MACC1: variants seen among roughly 807,000 people sequenced by gnomAD.
The protein encoded by MACC1 is metastasis-associated in colon cancer protein 1.
Under a neutral mutation model 70.7 loss-of-function variants are expected in MACC1, and 79 were observed. The ratio of observed to expected loss-of-function variants is 1.12; its 90% CI spans 0.93 to 1.35. The LOEUF is 1.35. Among genes scored for constraint, MACC1 ranks in the 40% most tolerant of loss-of-function variants. MACC1 has a pLI of 0.00. For synonymous variants in MACC1, 361 were observed against 347.2 expected (o/e 1.04, Z -0.44); for missense variants, 1,106 against 978.1 (o/e 1.13, Z -1.74).
intron 1 of MACC1, among the ~76,000 whole-genome samples, chr7:20,190,101 A>G (rs191701406): frequency 5.3e-5 from 8 of 152,274 alleles, no homozygotes; most frequent in Admixed American, 1.3e-4. Context: ...TTCTGTCACA[A>G]TGGAATTAAG....
chr7:20,181,850 G>A (rs547099362), intron 1 of MACC1, among the ~76,000 whole-genome samples: 25 of 152,182 alleles, frequency 1.6e-4, no homozygotes, highest in African/African-American at 6.0e-4. Context: ...ATTATTTACA[G>A]ACTGTATGAT....
chr7:20,194,736 T>C (rs1223150137), intron 1 of MACC1, among the ~76,000 whole-genome samples: 1 of 152,206 alleles, frequency 6.6e-6, no homozygotes, highest in African/African-American at 2.4e-5. Flanking sequence ...TACCATGTAG[T>C]TTCCATTAAA....
intron 1 of MACC1, among the ~76,000 whole-genome samples, chr7:20,211,840 G>C (rs1284032057): frequency 2.0e-5 from 3 of 152,084 alleles, no homozygotes; most frequent in African/African-American, 7.2e-5. Flanking sequence ...ACTTATGATA[G>C]CAAAATGCCA....
At chr7:20,160,348 T>C in intron 4 of MACC1, 103 bp from the exon 5 acceptor site, 1 of 1,361,176 alleles carries the variant, frequency 7.3e-7, no homozygotes. Flanking sequence ...GGACTTACTT[T>C]TCATTTTTCT....
rs1408281759 is a variant in MACC1 at position 20,139,637 on chromosome 7, A to T, written c.*1309T>A. 1.3e-5 allele frequency: 2 copies of T among 152,232 alleles called. No homozygotes were observed. The highest frequency in any genetic ancestry group is 2.9e-5 in the Non-Finnish European group (2 of 68,048). 9.4% of individuals were successfully genotyped at this position (152,232 alleles called of 1,614,324 possible). On this transcript the variant is annotated 3_prime_UTR_variant, in exon 7 of 7. Coordinates refer to ENST00000400331, the MANE Select transcript of MACC1 (RefSeq NM_182762.4). ...ATATACTCTACCTATTGACTGAATG[A>T]CAATAAATGAATGTCTGTCCAAATA... is the stretch of plus-strand genomic sequence containing the variant.
intron 3 of MACC1, among the ~76,000 whole-genome samples, chr7:20,162,817 C>T (rs960953260): frequency 6.6e-6 from 1 of 152,078 alleles, no homozygotes; most frequent in Non-Finnish European, 1.5e-5. Flanking sequence ...GAAAACAAAA[C>T]CTTAAAATTT....
chr7:20,190,761 T>C (rs982086569), intron 1 of MACC1, among the ~76,000 whole-genome samples: 1 of 152,250 alleles, frequency 6.6e-6, no homozygotes, highest in African/African-American at 2.4e-5. Flanking sequence ...CTGTGAACTG[T>C]TAATGACAGA....
chr7:20,159,876 T>C lies in MACC1; in HGVS notation c.485A>G (p.Gln162Arg), dbSNP rs758181206. The C allele has an allele frequency of 1.1e-5, 17 of 1,614,162 alleles. No homozygotes were observed. Among genetic ancestry groups the C allele is most frequent in the African/African-American group, 1.3e-5 (1 of 75,048 alleles). ...HAHQSIHNSD[Q>R]ILLHDLEWLK... ...CCACTCTAAGTCGTGTAGTAGGATC[T>C]GGTCAGAGTTATGTATACTCTGATG... is the stretch of plus-strand genomic sequence containing the variant. The change falls in exon 5 of 7, where the codon CAG becomes CGG. Residue 162 changes from glutamine to arginine, a missense_variant. By Grantham distance (43) the Gln-to-Arg change is conservative. Transcript: ENST00000400331.
intron 1 of MACC1, among the ~76,000 whole-genome samples, chr7:20,195,999 G>T (rs970783684): frequency 6.6e-6 from 1 of 151,732 alleles, no homozygotes; most frequent in African/African-American, 2.4e-5. Context: ...AACTGCAAAG[G>T]GATGGGGTGT....
chr7:20,210,885 C>T (rs907004372), intron 1 of MACC1, among the ~76,000 whole-genome samples: 13 of 152,148 alleles, frequency 8.5e-5, no homozygotes, highest in African/African-American at 3.1e-4. Context: ...CAATTTTTGC[C>T]TCATTAATTT....
intron 1 of MACC1, among the ~76,000 whole-genome samples, chr7:20,191,738 T>C (rs570775840): frequency 1.7e-4 from 26 of 152,270 alleles, no homozygotes; most frequent in Middle Eastern, 3.4e-3. Flanking sequence ...ACTGGCAAGA[T>C]CTAACTAAAA....
Position 20,159,776 on chromosome 7 carries a change from C to G in MACC1, c.585G>C (p.Leu195Phe), listed in dbSNP as rs1291215624. The change falls in exon 5 of 7, where the codon TTG (leucine) becomes TTC (phenylalanine). Residue 195 changes from leucine to phenylalanine, a missense_variant. By Grantham distance (22) the Leu-to-Phe change is conservative. Coordinates refer to ENST00000400331, the MANE Select transcript of MACC1 (RefSeq NM_182762.4). Reference protein sequence around the residue: ...QRQLARSCLDLNTISQSPGWA... With the variant: ...QRQLARSCLDFNTISQSPGWA... The stretch of plus-strand genomic sequence containing the variant: ...ATCCAGGGCTCTGACTAATTGTATT[C>G]AAATCAAGGCAGGAGCGGGCCAGCT... 1.2e-6 allele frequency: 2 copies of G among 1,613,934 alleles called. No individual in the cohort carries two copies. Among genetic ancestry groups the G allele is most frequent in the Non-Finnish European group, 1.7e-6 (2 of 1,180,024 alleles).
At chr7:20,188,611 C>A (rs1467656721) in intron 1 of MACC1, among the ~76,000 whole-genome samples, 2 of 152,146 alleles carry the variant, frequency 1.3e-5, no homozygotes, top group Non-Finnish European at 2.9e-5. Flanking sequence ...GGCACACACA[C>A]AAAGTACTTT....
chr7:20,169,541 T>A (rs1782270713), intron 2 of MACC1, among the ~76,000 whole-genome samples: 1 of 152,226 alleles, frequency 6.6e-6, no homozygotes, highest in Non-Finnish European at 1.5e-5. Flanking sequence ...GTATTTGTTT[T>A]CTCTGCAAAG....
At chr7:20,157,677 T>C (rs1291910894) in intron 5 of MACC1, among the ~76,000 whole-genome samples, 1 of 146,886 alleles carries the variant, frequency 6.8e-6, no homozygotes, top group African/African-American at 2.5e-5. Flanking sequence ...CTGAGTTACT[T>C]GGGCAGCTGA....
chr7:20,206,886 T>A (rs1010760507), intron 1 of MACC1, among the ~76,000 whole-genome samples: 4 of 152,196 alleles, frequency 2.6e-5, no homozygotes, highest in Non-Finnish European at 5.9e-5. Context: ...ACAATCAGTT[T>A]TACCTCCTCC....
intron 1 of MACC1, among the ~76,000 whole-genome samples, chr7:20,179,401 T>C (rs1030362651): frequency 6.6e-6 from 1 of 152,252 alleles, no homozygotes; most frequent in East Asian, 1.9e-4. Context: ...TCCAAGGTCA[T>C]GTTAATTAGA....
intron 1 of MACC1, among the ~76,000 whole-genome samples, chr7:20,216,279 G>A (rs778473958): frequency 6.6e-6 from 1 of 151,962 alleles, no homozygotes; most frequent in African/African-American, 2.4e-5. Context: ...GAAGGCATTG[G>A]AATTTTCACT....
chr7:20,213,801 G>A (rs1009246542), intron 1 of MACC1, among the ~76,000 whole-genome samples: 1 of 151,876 alleles, frequency 6.6e-6, no homozygotes, highest in African/African-American at 2.4e-5. Flanking sequence ...AAATAACTTG[G>A]GTACTAGGCT....
Sources: allele counts gnomAD v4.1 joint callset (sites outside exome capture counted in the v4.1 genomes callset), GRCh38; gene constraint gnomAD v4.1.1; transcripts MANE v1.5; gene names NCBI Gene and HGNC (gene_info 2026-07-23, HGNC 2026-07-21).